TMPRSS15: variants seen among roughly 807,000 people sequenced by gnomAD.
TMPRSS15 encodes enteropeptidase.
A neutral mutation model predicts 125.3 loss-of-function variants in TMPRSS15; 128 were observed. The ratio of observed to expected loss-of-function variants is 1.02; its 90% CI spans 0.89 to 1.18. TMPRSS15 has a LOEUF of 1.18. Among genes scored for constraint, TMPRSS15 ranks in the 50% most tolerant of loss-of-function variants. The pLI, the probability that TMPRSS15 is intolerant of heterozygous loss-of-function variation, is 0.00. For synonymous variants in TMPRSS15, 446 were observed against 423.2 expected, an observed-to-expected ratio of 1.05 and a Z score of -0.66; for missense variants, 1,283 against 1,212.7, an observed-to-expected ratio of 1.06 and a Z score of -0.86.
At chr21:18,349,271 T>C (rs979140151) in intron 10 of TMPRSS15, among the ~76,000 whole-genome samples, 3 of 152,216 alleles carry the variant, frequency 2.0e-5, no homozygotes, top group Non-Finnish European at 2.9e-5. Context: ...CTCAAGATGC[T>C]GTCCTGCCTC....
intron 1 of TMPRSS15, among the ~76,000 whole-genome samples, chr21:18,469,747 C>T (rs1397414034): frequency 6.6e-6 from 1 of 151,982 alleles, no homozygotes; most frequent in African/African-American, 2.4e-5. Context: ...GGAAGACAAA[C>T]AAATATGCAG....
At chr21:18,323,183 A>G (rs1343068572) in intron 16 of TMPRSS15, among the ~76,000 whole-genome samples, 1 of 152,126 alleles carries the variant, frequency 6.6e-6, no homozygotes, top group Non-Finnish European at 1.5e-5. Context: ...ATTTTGTTTC[A>G]AGATGCTTTA....
chr21:18,316,740 C>G (rs894858857), intron 16 of TMPRSS15, among the ~76,000 whole-genome samples: 2 of 152,164 alleles, frequency 1.3e-5, no homozygotes, highest in Non-Finnish European at 2.9e-5. Context: ...TTAGAAGCAG[C>G]TACTGCTGTT....
At chr21:18,301,414 C>T (rs2074971524) in intron 18 of TMPRSS15, among the ~76,000 whole-genome samples, 1 of 152,128 alleles carries the variant, frequency 6.6e-6, no homozygotes. Flanking sequence ...ATCTTCTTCA[C>T]AGAAGAAAAG....
intron 7 of TMPRSS15, among the ~76,000 whole-genome samples, chr21:18,362,220 A>G (rs2147026437): frequency 6.6e-6 from 1 of 152,242 alleles, no homozygotes; most frequent in South Asian, 2.1e-4. Flanking sequence ...GGACTGGGGG[A>G]GTGAGCCTGC....
At chr21:18,289,648 C>T (rs1601279735) in intron 21 of TMPRSS15, among the ~76,000 whole-genome samples, 2 of 152,230 alleles carry the variant, frequency 1.3e-5, no homozygotes, top group East Asian at 3.9e-4. Flanking sequence ...ATCAGGTAAT[C>T]CCTGTGATGT....
At chr21:18,352,470 C>A (rs2075579683) in intron 10 of TMPRSS15, among the ~76,000 whole-genome samples, 1 of 152,014 alleles carries the variant, frequency 6.6e-6, no homozygotes, top group Admixed American at 6.6e-5. Context: ...ACAAATTCAG[C>A]AGGACTGCTG....
chr21:18,371,328 G>A (rs1338830504), intron 6 of TMPRSS15, among the ~76,000 whole-genome samples: 1 of 152,166 alleles, frequency 6.6e-6, no homozygotes, highest in Non-Finnish European at 1.5e-5. Context: ...AGTTGAAACT[G>A]TGGAAACCAC....
intron 1 of TMPRSS15, among the ~76,000 whole-genome samples, chr21:18,437,708 A>C (rs1371601922): frequency 6.6e-6 from 1 of 152,260 alleles, no homozygotes; most frequent in Non-Finnish European, 1.5e-5. Flanking sequence ...TTATGCAGCC[A>C]AAAGACACAT....
chr21:18,473,764 T>C (rs1957364332), intron 1 of TMPRSS15, among the ~76,000 whole-genome samples: 1 of 152,144 alleles, frequency 6.6e-6, no homozygotes, highest in Non-Finnish European at 1.5e-5. Context: ...TTTTTCTTTT[T>C]TATGTTTTTG....
chr21:18,289,490 C>A (rs1268916804), intron 21 of TMPRSS15, among the ~76,000 whole-genome samples: 3 of 152,102 alleles, frequency 2.0e-5, no homozygotes, highest in Non-Finnish European at 4.4e-5. Context: ...CCAGCCTGGG[C>A]AACAAGAGTG....
intron 1 of TMPRSS15, among the ~76,000 whole-genome samples, chr21:18,422,016 C>T (rs2076193168): frequency 6.8e-6 from 1 of 146,494 alleles, no homozygotes; most frequent in Admixed American, 6.9e-5. Context: ...CTACGTCTGG[C>T]TCTGTCACCC....
chr21:18,270,126 T>TAA lies in TMPRSS15; in HGVS notation c.2905-4_2905-3dup. 6.2e-7 allele frequency: 1 copy of TAA among 1,613,718 alleles called. No homozygotes were observed. Among genetic ancestry groups the TAA allele is most frequent in the Non-Finnish European group, 8.5e-7 (1 of 1,179,736 alleles). ...CATTAATGGTCCTCCTGAATCCCCCTAAAGAGTGAATTGCAAAACAAAATT... is the reference window on the plus strand; with the variant it reads ...CATTAATGGTCCTCCTGAATCCCCCTAAAAAGAGTGAATTGCAAAACAAAATT... On this transcript the variant is annotated splice_region_variant and splice_polypyrimidine_tract_variant and intron_variant, in intron 24 of 24. Transcript: ENST00000284885.
chr21:18,300,380 TG>T (rs2146911697), intron 18 of TMPRSS15, among the ~76,000 whole-genome samples: 1 of 149,728 alleles, frequency 6.7e-6, no homozygotes, highest in Non-Finnish European at 1.5e-5. Flanking sequence ...GATACTCTGT[TG>T]CCTAGGCTGG....
intron 23 of TMPRSS15, 74 bp from the exon 24 acceptor site, chr21:18,275,410 C>T: frequency 6.5e-7 from 1 of 1,543,444 alleles, no homozygotes; most frequent in Non-Finnish European, 8.9e-7. Flanking sequence ...TACCATCAGT[C>T]CTATTTATTC....
At chr21:18,290,836 A>T (rs1408136450) in intron 21 of TMPRSS15, among the ~76,000 whole-genome samples, 1 of 52,280 alleles carries the variant, frequency 1.9e-5, no homozygotes, top group Non-Finnish European at 4.8e-5. Flanking sequence ...GAAATTGTTC[A>T]GAAAAAAAAG....
chr21:18,398,016 C>A, intron 2 of TMPRSS15, 70 bp from the exon 3 acceptor site: 1 of 1,261,372 alleles, frequency 7.9e-7, no homozygotes. Flanking sequence ...AAAATTTATA[C>A]AAAGCAATCT....
In TMPRSS15 at chr21:18,440,372, C is replaced by CAAAAAAAAAAA. The variant is rs539968323; in HGVS notation, c.11-42054_11-42044dup. ...TGGGCGACAGAGCGAAACTCCGTCT[C>CAAAAAAAAAAA]AAAAAAAAAAAAAAAAAGAAAACTG... On this transcript the variant is annotated intron_variant, in intron 1 of 7. Transcript: ENST00000422787. 8.0e-3 allele frequency among the ~76,000 whole-genome samples: 378 copies of CAAAAAAAAAAA among 47,272 alleles called. 33 individuals are homozygous for CAAAAAAAAAAA. The highest frequency in any genetic ancestry group is 0.022 in the Middle Eastern group (1 of 46). The allele number at this position is 47,272 out of a possible 152,430, so 31.0% of individuals were successfully genotyped here. A position where few individuals can be genotyped will look rare whatever the true frequency, so the allele number is the denominator to read the frequency against.
intron 1 of TMPRSS15, among the ~76,000 whole-genome samples, chr21:18,441,579 C>T (rs1258916579): frequency 2.1e-5 from 3 of 140,136 alleles, no homozygotes; most frequent in South Asian, 2.3e-4. Flanking sequence ...TGCACCCCAG[C>T]CTGGGTGACA....
Sources: allele counts gnomAD v4.1 joint callset (sites outside exome capture counted in the v4.1 genomes callset), GRCh38; gene constraint gnomAD v4.1.1; transcripts MANE v1.5; gene names NCBI Gene and HGNC (gene_info 2026-07-23, HGNC 2026-07-21).